TEX9: variants seen among roughly 807,000 people sequenced by gnomAD.
The protein encoded by TEX9 is testis-expressed protein 9.
A neutral mutation model predicts 59.6 loss-of-function variants in TEX9; 74 were observed. That is an observed-to-expected ratio of 1.24 (90% CI 1.03 to 1.51). The LOEUF is 1.51. TEX9 is among the 40% of genes most tolerant of loss of function. The probability of loss-of-function intolerance (pLI) is 0.00; values close to 1 mark genes in which losing one functional copy is unlikely to be tolerated. For missense variants in TEX9, 522 were observed against 447.8 expected (o/e 1.17, Z -1.49); for synonymous variants, 186 against 152.2 (o/e 1.22, Z -1.64).
At chr15:56,411,521 T>G (rs1449008618) in intron 9 of TEX9, among the ~76,000 whole-genome samples, 6 of 152,088 alleles carry the variant, frequency 3.9e-5, no homozygotes, top group African/African-American at 1.4e-4. Context: ...GCTAGCTATG[T>G]GAAAATGAGT....
chr15:56,447,862 C>T (rs1389583987), downstream of TEX9, among the ~76,000 whole-genome samples: 1 of 152,144 alleles, frequency 6.6e-6, no homozygotes, highest in African/African-American at 2.4e-5. Flanking sequence ...TCACCTTAGG[C>T]AGTATAAATT....
At chr15:56,374,795 G>A (rs1475042959) in intron 3 of TEX9, among the ~76,000 whole-genome samples, 1 of 152,114 alleles carries the variant, frequency 6.6e-6, no homozygotes, top group Admixed American at 6.5e-5. Flanking sequence ...ATAAGTGAGA[G>A]CATGTGAAGT....
At chr15:56,290,642 G>T (rs1258412830) in intron 1 of TEX9, among the ~76,000 whole-genome samples, 2 of 151,972 alleles carry the variant, frequency 1.3e-5, no homozygotes, top group African/African-American at 2.4e-5. Flanking sequence ...GTTTATAGAG[G>T]TGGGTTCTCA....
rs547979968 is a variant in TEX9, at chr15:56,426,362, T to G, written c.964-1243T>G. Reference sequence around the variant, plus strand: ...AAGGGTGAGCAAAACACCATGACATTTCCTACTGCTTTGAATATGGCCTTT... The same window carrying G: ...AAGGGTGAGCAAAACACCATGACATGTCCTACTGCTTTGAATATGGCCTTT... On this transcript the variant is annotated intron_variant, in intron 10 of 12. Coordinates refer to ENST00000352903, the Ensembl canonical transcript of TEX9. 1.3e-5 allele frequency among the ~76,000 whole-genome samples: 2 copies of G among 151,798 alleles called. 1 individual carries two copies. Among genetic ancestry groups the G allele is most frequent in the East Asian group, 3.9e-4 (2 of 5,150 alleles).
At chr15:56,425,966 A>G (rs2050219686) in intron 10 of TEX9, among the ~76,000 whole-genome samples, 1 of 152,128 alleles carries the variant, frequency 6.6e-6, no homozygotes, top group Non-Finnish European at 1.5e-5. Context: ...AGTTTTCCAT[A>G]CACACGGCTT....
At chr15:56,404,079 C>T (rs1379259150) in intron 9 of TEX9, among the ~76,000 whole-genome samples, 2 of 152,052 alleles carry the variant, frequency 1.3e-5, no homozygotes, top group Non-Finnish European at 2.9e-5. Context: ...TGGGCAAGGA[C>T]ACTTCATGAC....
chr15:56,255,095 C>T (rs886597168), intron 1 of TEX9, among the ~76,000 whole-genome samples: 6 of 152,074 alleles, frequency 3.9e-5, no homozygotes, highest in South Asian at 2.1e-4. Flanking sequence ...CTAGATTAGA[C>T]GTTGGCAAAT....
chr15:56,401,099 T>A (rs967964937), intron 9 of TEX9, among the ~76,000 whole-genome samples: 8 of 151,998 alleles, frequency 5.3e-5, no homozygotes, highest in Admixed American at 5.2e-4. Context: ...CCAGCTAACA[T>A]CATAATGACA....
Position 56,388,404 on chromosome 15 carries a change from G to A in TEX9, c.264-68G>A. ...AATATTTTCCCTTTCAAATATAATT[G>A]TTGAATTTCATTGTCTCAGCTCAGT... On this transcript the variant is annotated intron_variant, in intron 4 of 12. Coordinates refer to ENST00000352903, the Ensembl canonical transcript of TEX9. 5 of 1,210,386 alleles carry A rather than the reference G, an allele frequency of 4.1e-6. No individual in the cohort carries two copies. The South Asian group carries it at 5.6e-5, about 14-fold the overall frequency. 75.0% of individuals were successfully genotyped at this position (1,210,386 alleles called of 1,614,324 possible). A position where few individuals can be genotyped will look rare whatever the true frequency, so the allele number is the denominator to read the frequency against.
intron 1 of TEX9, among the ~76,000 whole-genome samples, chr15:56,321,573 G>T (rs2045905386): frequency 6.6e-6 from 1 of 152,164 alleles, no homozygotes; most frequent in Non-Finnish European, 1.5e-5. Flanking sequence ...CAGATATTGG[G>T]AAGGGAATTA....
intron 2 of TEX9, among the ~76,000 whole-genome samples, chr15:56,366,750 A>C (rs2046964159): frequency 6.6e-6 from 1 of 152,210 alleles, no homozygotes; most frequent in Non-Finnish European, 1.5e-5. Flanking sequence ...TTTGTATCAG[A>C]GGGTTAAACT....
chr15:56,356,531 C>T lies in TEX9; in HGVS notation c.-106-16910C>T, dbSNP rs140910082. ...TTTAGAAGTGCCTTTGGTAGGCATA[C>T]GTGTGTGCCAAATCTCTTAGGTTTT... On this transcript the variant is annotated intron_variant, in intron 1 of 5. Coordinates refer to the TEX9 transcript ENST00000560827. Among the ~76,000 whole-genome samples, 615 of 152,126 alleles carry T rather than the reference C, an allele frequency of 4.0e-3. 5 individuals are homozygous for T. The highest frequency in any genetic ancestry group is 0.014 in the African/African-American group (580 of 41,520).
intron 12 of TEX9, chr15:56,434,159 G>T (rs1446588207): frequency 1.2e-6 from 2 of 1,612,048 alleles, no homozygotes; most frequent in East Asian, 4.5e-5. Flanking sequence ...GGAATTGTTG[G>T]CGACGCTCTT....
upstream of TEX9, chr15:56,365,321 C>T (rs924517745): frequency 1.6e-6 from 2 of 1,283,916 alleles, no homozygotes; most frequent in African/African-American, 1.5e-5. Flanking sequence ...CTGCCAGAGG[C>T]TCGCGCCGCT....
intron 1 of TEX9, among the ~76,000 whole-genome samples, chr15:56,289,959 T>A (rs2045049362): frequency 6.6e-6 from 1 of 152,200 alleles, no homozygotes. Flanking sequence ...TAGCTCTCTA[T>A]GGCAGCTGAG....
chr15:56,447,073 A>G, downstream of TEX9: 1 of 633,374 alleles, frequency 1.6e-6, no homozygotes, highest in East Asian at 2.8e-5. Flanking sequence ...TTAGATCCAT[A>G]GGAGAAATAA....
At chr15:56,366,844 C>G (rs1400448017) in intron 2 of TEX9, among the ~76,000 whole-genome samples, 1 of 152,182 alleles carries the variant, frequency 6.6e-6, no homozygotes, top group Non-Finnish European at 1.5e-5. Flanking sequence ...GAACTATACA[C>G]AGACCAATTT....
chr15:56,260,853 A>C (rs1437978225), intron 1 of TEX9, among the ~76,000 whole-genome samples: 1 of 152,004 alleles, frequency 6.6e-6, no homozygotes, highest in South Asian at 2.1e-4. Context: ...AGAATTCACC[A>C]CTAAATATAT....
intron 10 of TEX9, among the ~76,000 whole-genome samples, chr15:56,420,095 C>A (rs2049899133): frequency 6.6e-6 from 1 of 151,734 alleles, no homozygotes; most frequent in African/African-American, 2.4e-5. Flanking sequence ...TCTGAATATT[C>A]CTCCTACATT....
Sources: gnomAD v4.1 joint callset for allele counts (sites outside exome capture counted in the v4.1 genomes callset) on GRCh38, gnomAD v4.1.1 for gene constraint, MANE v1.5 for transcripts, NCBI Gene and HGNC (gene_info 2026-07-23, HGNC 2026-07-21) for gene names.